The following IPO9 variants were observed in gnomAD, a reference collection of about 807,000 sequenced individuals.
IPO9 encodes the protein importin-9.
IPO9 carries 28 observed loss-of-function variants against 128.6 expected under a neutral mutation model. That is an observed-to-expected ratio of 0.22 (90% CI 0.16 to 0.30). The LOEUF is 0.30. IPO9 is among the 10% of genes least tolerant of loss of function. IPO9 has a pLI of 1.00. For synonymous variants in IPO9, 455 were observed against 475.8 expected, an observed-to-expected ratio of 0.96 and a Z score of 0.57; for missense variants, 935 against 1,293.9, an observed-to-expected ratio of 0.72 and a Z score of 4.26.
At chr1:201,830,303 C>A (rs377180260) in intron 1 of IPO9, among the ~76,000 whole-genome samples, 2 of 152,198 alleles carry the variant, frequency 1.3e-5, no homozygotes, top group Non-Finnish European at 2.9e-5. Flanking sequence ...TTAAATACTT[C>A]ATCAGAGATA....
Position 201,877,344 on chromosome 1 carries a change from A to C in IPO9, c.*1290A>C, listed in dbSNP as rs1325410088. ...AGTGAAACCTGCATTTCTACTAAAA[A>C]TACAAAAATTAGCTGGGCATGGTGG... On this transcript the variant is annotated 3_prime_UTR_variant, in exon 24 of 24. Coordinates refer to ENST00000361565, the MANE Select transcript of IPO9 (RefSeq NM_018085.5). The C allele has an allele frequency of 2.6e-5, 4 of 152,326 alleles. No individual in the cohort carries two copies. In the East Asian group the frequency reaches 7.7e-4, roughly 29 times the overall value. The allele number at this position is 152,326 out of a possible 1,614,324, so 9.4% of individuals were successfully genotyped here.
At chr1:201,844,166 A>G (rs1278642357) in intron 1 of IPO9, among the ~76,000 whole-genome samples, 5 of 152,184 alleles carry the variant, frequency 3.3e-5, no homozygotes, top group Admixed American at 6.6e-5. Flanking sequence ...AACAGTACCT[A>G]TAAGTAGAGA....
At chr1:201,862,799 T>G (rs1457418142) in intron 13 of IPO9, among the ~76,000 whole-genome samples, 1 of 145,274 alleles carries the variant, frequency 6.9e-6, no homozygotes, top group East Asian at 2.0e-4. Context: ...AGAATGAAAC[T>G]TCATCTCAAA....
chr1:201,873,559 C>T (rs1680701254), intron 20 of IPO9, among the ~76,000 whole-genome samples: 2 of 151,058 alleles, frequency 1.3e-5, no homozygotes. Flanking sequence ...ACCAGCCTGA[C>T]CAACATAGAG....
chr1:201,830,116 A>G (rs937723023), intron 1 of IPO9, among the ~76,000 whole-genome samples: 5 of 152,206 alleles, frequency 3.3e-5, no homozygotes, highest in African/African-American at 9.6e-5. Flanking sequence ...TTTTCTATCA[A>G]TTTCCTGCCG....
intron 13 of IPO9, among the ~76,000 whole-genome samples, chr1:201,861,485 GCTAATGTAAGTGTT>G (rs1213246596): frequency 1.3e-5 from 2 of 152,126 alleles, no homozygotes; most frequent in East Asian, 3.8e-4. Flanking sequence ...CCAACTTTAC[GCTAATGTAAGTGTT>G]CTGAGCATGT....
At chr1:201,869,926 A>C (rs1680617832) in intron 17 of IPO9, among the ~76,000 whole-genome samples, 1 of 152,210 alleles carries the variant, frequency 6.6e-6, no homozygotes, top group African/African-American at 2.4e-5. Flanking sequence ...AAATATGGAT[A>C]CCAAGCACCC....
chr1:201,861,057 T>G (rs775715517), intron 13 of IPO9, among the ~76,000 whole-genome samples: 1 of 152,064 alleles, frequency 6.6e-6, no homozygotes, highest in Non-Finnish European at 1.5e-5. Context: ...TCCCAGCTAC[T>G]CAGGAGGCTG....
intron 19 of IPO9, among the ~76,000 whole-genome samples, chr1:201,872,246 A>G (rs1680666580): frequency 1.3e-5 from 2 of 151,880 alleles, no homozygotes; most frequent in African/African-American, 4.8e-5. Flanking sequence ...CAACCTTCTA[A>G]CCCTGGCTTC....
chr1:201,874,131 G>T (rs1680714344), intron 20 of IPO9, 119 bp from the exon 21 acceptor site: 6 of 989,782 alleles, frequency 6.1e-6, no homozygotes, highest in Non-Finnish European at 9.2e-6. Flanking sequence ...ATATAGTCAG[G>T]TACAGTGAAA....
chr1:201,861,041 CTG>C (rs1168931990), intron 13 of IPO9, among the ~76,000 whole-genome samples: 1 of 152,208 alleles, frequency 6.6e-6, no homozygotes, highest in Admixed American at 6.5e-5. Flanking sequence ...TGGCACGCGT[CTG>C]TAATCCCAGC....
chr1:201,841,096 A>T (rs1017582957), intron 1 of IPO9, among the ~76,000 whole-genome samples: 4 of 152,224 alleles, frequency 2.6e-5, no homozygotes, highest in Non-Finnish European at 5.9e-5. Flanking sequence ...AGGCACTAAA[A>T]ATGGAGCAGA....
At position 201,882,275 on chromosome 1, in the gene IPO9, C is replaced by A. The variant is rs369006182; in HGVS notation, c.*6221C>A. 94 of 151,668 alleles carry A rather than the reference C, an allele frequency of 6.2e-4. 1 individual carries two copies. Among genetic ancestry groups the A allele is most frequent in the African/African-American group, 2.2e-3 (92 of 41,374 alleles). The allele number at this position is 151,668 out of a possible 1,614,324, so 9.4% of individuals were successfully genotyped here. A position where few individuals can be genotyped will look rare whatever the true frequency, so the allele number is the denominator to read the frequency against. On this transcript the variant is annotated 3_prime_UTR_variant, in exon 24 of 24. Coordinates refer to ENST00000361565, the MANE Select transcript of IPO9 (RefSeq NM_018085.5). ...TGAAACCCCGTCTCTACTAAAAATACAAAAAAATTAGCTGGGCATGGTGGC... is the reference window on the plus strand; with the variant it reads ...TGAAACCCCGTCTCTACTAAAAATAAAAAAAAATTAGCTGGGCATGGTGGC...
chr1:201,835,878 G>A (rs926195201), intron 1 of IPO9, among the ~76,000 whole-genome samples: 10 of 152,108 alleles, frequency 6.6e-5, no homozygotes, highest in Admixed American at 3.3e-4. Context: ...TTGGGAGGCC[G>A]AGGAGGGCGG....
chr1:201,871,400 TTTTTTTG>T, intron 19 of IPO9, 73 bp downstream of exon 19: 1 of 1,053,438 alleles, frequency 9.5e-7, no homozygotes. Flanking sequence ...TTTTTTTTTT[TTTTTTTG>T]AGACAGTCTC....
chr1:201,871,366 A>T (rs1452051394), intron 19 of IPO9, 39 bp downstream of exon 19: 1 of 617,902 alleles, frequency 1.6e-6, no homozygotes, highest in African/African-American at 2.8e-5. Flanking sequence ...TTCTGCCACC[A>T]CTCATATTTC....
In IPO9 at chr1:201,868,740, A is replaced by C; in HGVS notation, c.1948A>C (p.Thr650Pro). 1 of 1,613,582 alleles carries C rather than the reference A, an allele frequency of 6.2e-7. No homozygotes were observed. Among genetic ancestry groups the C allele is most frequent in the Non-Finnish European group, 8.5e-7 (1 of 1,179,890 alleles). Residue 650 changes from threonine (T) to proline (P), a missense_variant, in exon 16 of 24, where the codon ACT becomes CCT. This residue lies in a region of IPO9 where 741 missense variants were observed against 1,019.1 expected (regional missense o/e 0.73). Transcript: ENST00000361565. ...CCCAATGCAAATGAGGCTGATTCCC[A>C]CTCTGGTCAGCATAATGCAGGCCCC... The part of the protein sequence containing the change: ...QGPMQMRLIP[T>P]LVSIMQAPAD...
At chr1:201,839,560 CAAAAAAAAAAAA>C (rs4025036) in intron 1 of IPO9, among the ~76,000 whole-genome samples, 3 of 33,952 alleles carry the variant, frequency 8.8e-5, no homozygotes, top group Admixed American at 2.9e-4. Context: ...GACTCCATCT[CAAAAAAAAAAAA>C]AAAAAAAAAA....
intron 6 of IPO9, among the ~76,000 whole-genome samples, chr1:201,854,108 A>T (rs929146861): frequency 2.6e-5 from 4 of 152,162 alleles, no homozygotes; most frequent in African/African-American, 4.8e-5. Context: ...CCTTGGCTCA[A>T]GTGATCCTCC....
Sources: gnomAD v4.1 joint callset for allele counts (sites outside exome capture counted in the v4.1 genomes callset) on GRCh38, gnomAD v4.1.1 for gene constraint, gnomAD v4.1.1 regional missense constraint, MANE v1.5 for transcripts, NCBI Gene and HGNC (gene_info 2026-07-23, HGNC 2026-07-21) for gene names.